RAF1: variants seen among roughly 807,000 people sequenced by gnomAD.
RAF1 encodes the protein RAF proto-oncogene serine/threonine-protein kinase.
Under a neutral mutation model 81.1 loss-of-function variants are expected in RAF1, and 27 were observed. The observed-to-expected ratio is 0.33, with a 90% CI of 0.25 to 0.46. The LOEUF (loss-of-function observed/expected upper bound fraction) is 0.46. RAF1 is among the 20% of genes least tolerant of loss of function. The probability of loss-of-function intolerance (pLI) is 1.00; values close to 1 mark genes in which losing one functional copy is unlikely to be tolerated. For missense variants in RAF1, 598 were observed against 826.0 expected, an observed-to-expected ratio of 0.72 and a Z score of 3.38; for synonymous variants, 298 against 294.0, an observed-to-expected ratio of 1.01 and a Z score of -0.14.
chr3:12,638,898 C>T (rs191070878), intron 1 of RAF1, among the ~76,000 whole-genome samples: 42 of 152,270 alleles, frequency 2.8e-4, no homozygotes, highest in African/African-American at 9.4e-4. Context: ...TGTTTTTAAA[C>T]ATACATAAGG....
chr3:12,641,509 T>G (rs1473254603), intron 1 of RAF1, among the ~76,000 whole-genome samples: 1 of 146,198 alleles, frequency 6.8e-6, no homozygotes, highest in Non-Finnish European at 1.5e-5. Context: ...TTTTTTTTTT[T>G]GAAACAGGGT....
chr3:12,635,258 G>A (rs898765298), intron 1 of RAF1, among the ~76,000 whole-genome samples: 5 of 148,444 alleles, frequency 3.4e-5, no homozygotes, highest in African/African-American at 1.2e-4. Context: ...GGCGGAGGTT[G>A]CAGTAAACCG....
At chr3:12,617,875 T>C (rs2125450338) in intron 2 of RAF1, among the ~76,000 whole-genome samples, 1 of 95,694 alleles carries the variant, frequency 1.0e-5, no homozygotes, top group Admixed American at 1.2e-4. Flanking sequence ...TGAGAATCCG[T>C]CTCAAAAAAA....
chr3:12,587,389 C>A, intron 14 of RAF1: 1 of 638,656 alleles, frequency 1.6e-6, no homozygotes, highest in South Asian at 1.9e-5. Flanking sequence ...AAACATCGCT[C>A]TCATCAGTCC....
chr3:12,597,146 C>T (rs2125367818), intron 11 of RAF1, among the ~76,000 whole-genome samples: 1 of 152,264 alleles, frequency 6.6e-6, no homozygotes, highest in South Asian at 2.1e-4. Flanking sequence ...GATCCACCCA[C>T]CTCGGCCTCC....
chr3:12,654,076 C>A (rs1322403526), intron 1 of RAF1, among the ~76,000 whole-genome samples: 3 of 151,636 alleles, frequency 2.0e-5, no homozygotes, highest in Non-Finnish European at 4.4e-5. Context: ...ATTGCAGCCT[C>A]CAATTCCTGG....
intron 3 of RAF1, 85 bp downstream of exon 3, chr3:12,611,865 T>C (rs541911019): frequency 2.2e-6 from 2 of 930,186 alleles, no homozygotes; most frequent in East Asian, 2.4e-5. Flanking sequence ...TATAGGAAGC[T>C]AGTACAATTT....
chr3:12,627,428 C>G (rs987820765), intron 1 of RAF1, among the ~76,000 whole-genome samples: 1 of 152,168 alleles, frequency 6.6e-6, no homozygotes. Context: ...GGCTACTATT[C>G]CGTTAAAAAA....
At chr3:12,638,231 GTTAT>G (rs1350796655) in intron 1 of RAF1, among the ~76,000 whole-genome samples, 1 of 152,204 alleles carries the variant, frequency 6.6e-6, no homozygotes, top group Non-Finnish European at 1.5e-5. Flanking sequence ...GCTCTTAAGA[GTTAT>G]TTACTGAATG....
At chr3:12,599,868 A>G in intron 10 of RAF1, 60 bp from the exon 10 acceptor site, 2 of 1,308,396 alleles carry the variant, frequency 1.5e-6, no homozygotes, top group Non-Finnish European at 2.2e-6. Context: ...TTTGATAATG[A>G]GGGCATCAAA....
intron 2 of RAF1, among the ~76,000 whole-genome samples, chr3:12,612,716 C>A (rs1000911334): frequency 6.6e-6 from 1 of 151,140 alleles, no homozygotes; most frequent in Non-Finnish European, 1.5e-5. Context: ...TTACACCTAG[C>A]TGTTCACATC....
At chr3:12,659,206 T>C (rs1343699268) in intron 1 of RAF1, among the ~76,000 whole-genome samples, 1 of 151,742 alleles carries the variant, frequency 6.6e-6, no homozygotes, top group Admixed American at 6.6e-5. Context: ...GGCAGGTGGA[T>C]CACTTGAGGT....
At chr3:12,608,024 T>C (rs1046242454) in intron 5 of RAF1, among the ~76,000 whole-genome samples, 2 of 150,614 alleles carry the variant, frequency 1.3e-5, no homozygotes, top group Middle Eastern at 3.5e-3. Context: ...CCATTTGTGC[T>C]ACTCAAGCTC....
Position 12,663,867 on chromosome 3 carries a change from G to C in RAF1, c.-81C>G, listed in dbSNP as rs2060964791. ...GTCGTTCGGCGGCAGCTTCTCGCCC[G>C]CTCCTCCTCCCCGCGGCGGGTGAGG... On this transcript the variant is annotated 5_prime_UTR_variant, in exon 1 of 18. Transcript: ENST00000442415. 2.5e-6 allele frequency: 1 copy of C among 397,896 alleles called. No homozygotes were observed. 24.6% of individuals were successfully genotyped at this position (397,896 alleles called of 1,614,324 possible).
At chr3:12,645,615 T>C (rs541111044) in intron 1 of RAF1, among the ~76,000 whole-genome samples, 153 of 152,370 alleles carry the variant, frequency 1.0e-3, no homozygotes, top group African/African-American at 3.5e-3. Context: ...ATTTTTGGAA[T>C]ACAGTAATGT....
In RAF1 at chr3:12,584,429, C is replaced by T. The variant is rs2125314856; in HGVS notation, c.*85G>A. 6.4e-7 allele frequency: 1 copy of T among 1,558,582 alleles called. No homozygotes were observed. Among genetic ancestry groups the T allele is most frequent in the Non-Finnish European group, 8.8e-7 (1 of 1,132,836 alleles). On this transcript the variant is annotated 3_prime_UTR_variant, in exon 18 of 18. Coordinates refer to ENST00000442415, the MANE Select transcript of RAF1 (RefSeq NM_001354689.3). The stretch of plus-strand genomic sequence containing the variant: ...AGCAGCTTCTCTGAAAACATGTGTT[C>T]TGCCTCTGGAGAAAGGGAGCAGAAA...
chr3:12,614,512 C>A (rs891286231), intron 2 of RAF1, among the ~76,000 whole-genome samples: 1 of 151,964 alleles, frequency 6.6e-6, no homozygotes, highest in Non-Finnish European at 1.5e-5. Context: ...GACACATGTA[C>A]CCTTTACCAC....
intron 1 of RAF1, among the ~76,000 whole-genome samples, chr3:12,639,029 G>A (rs112760547): frequency 8.5e-6 from 1 of 117,546 alleles, no homozygotes; most frequent in African/African-American, 3.2e-5. Flanking sequence ...ATAAGCTTTT[G>A]ATGTGCTGCT....
chr3:12,660,612 C>A (rs2060845640), intron 1 of RAF1, among the ~76,000 whole-genome samples: 1 of 152,176 alleles, frequency 6.6e-6, no homozygotes, highest in African/African-American at 2.4e-5. Context: ...CCACAACTGG[C>A]TGATGTTTTT....
Sources: gnomAD v4.1 joint callset for allele counts (sites outside exome capture counted in the v4.1 genomes callset) on GRCh38, gnomAD v4.1.1 for gene constraint, MANE v1.5 for transcripts, NCBI Gene and HGNC (gene_info 2026-07-23, HGNC 2026-07-21) for gene names.